The following ATP10B variants were observed in gnomAD, a reference collection of about 807,000 sequenced individuals.
ATP10B encodes the protein ATPase phospholipid transporting 10B (putative), also known as phospholipid-transporting ATPase VB.
ATP10B carries 122 observed loss-of-function variants against 141.2 expected under a neutral mutation model. The ratio of observed to expected loss-of-function variants is 0.86; its 90% CI spans 0.75 to 1.00. The LOEUF is 1.00. Among genes scored for constraint, ATP10B ranks in the 50% least tolerant of loss-of-function variants. ATP10B has a pLI of 0.00. For synonymous variants in ATP10B, 685 were observed against 692.0 expected, an observed-to-expected ratio of 0.99 and a Z score of 0.16; for missense variants, 1,876 against 1,825.3, an observed-to-expected ratio of 1.03 and a Z score of -0.51.
upstream of ATP10B, among the ~76,000 whole-genome samples, chr5:160,855,309 C>T (rs945856905): frequency 3.3e-5 from 5 of 151,962 alleles, no homozygotes; most frequent in African/African-American, 9.7e-5. Flanking sequence ...TGTCACTACT[C>T]TTTAGTTATT....
rs1340465434 is a variant in ATP10B, at chr5:160,799,972, T to C, written c.-575-14169A>G. 3.9e-5 allele frequency among the ~76,000 whole-genome samples: 6 copies of C among 152,330 alleles called. No individual in the cohort carries two copies. The East Asian group carries it at 1.2e-3, about 29-fold the overall frequency. On this transcript the variant is annotated intron_variant, in intron 1 of 25. Coordinates refer to ENST00000327245, the MANE Select transcript of ATP10B (RefSeq NM_025153.3). ...AGTTGGAGCACTCAGTGCCAGTTAC[T>C]GAACCAAATGTTGCATATTCTTCAT...
intron 1 of ATP10B, among the ~76,000 whole-genome samples, chr5:160,811,412 C>G (rs1773143390): frequency 6.6e-6 from 1 of 152,104 alleles, no homozygotes; most frequent in Admixed American, 6.5e-5. Flanking sequence ...TCTTGGACAG[C>G]ATTTCTGGAT....
At chr5:160,780,062 T>C (rs906449680) in intron 2 of ATP10B, among the ~76,000 whole-genome samples, 1 of 152,200 alleles carries the variant, frequency 6.6e-6, no homozygotes, top group Non-Finnish European at 1.5e-5. Flanking sequence ...TAATATTCCT[T>C]TAATGGGAGA....
At chr5:160,685,352 G>A (rs946443618) in intron 6 of ATP10B, 3 of 564,542 alleles carry the variant, frequency 5.3e-6, no homozygotes, top group African/African-American at 3.8e-5. Flanking sequence ...AACCCCAGGG[G>A]AGAAACATGA....
chr5:160,822,502 T>C (rs913633965), intron 1 of ATP10B, among the ~76,000 whole-genome samples: 5 of 152,042 alleles, frequency 3.3e-5, no homozygotes, highest in African/African-American at 1.2e-4. Flanking sequence ...CAGCAATCTT[T>C]TTCATAGGTA....
At chr5:160,833,894 TA>T (rs752786827) in intron 1 of ATP10B, among the ~76,000 whole-genome samples, 5 of 152,186 alleles carry the variant, frequency 3.3e-5, no homozygotes, top group Non-Finnish European at 7.4e-5. Context: ...TTAAATACTT[TA>T]GAGGGAAACC....
chr5:160,903,727 C>A, the ATP10B span, among the ~76,000 whole-genome samples: 1 of 152,194 alleles, frequency 6.6e-6, no homozygotes, highest in Non-Finnish European at 1.5e-5. Context: ...ACTTCCTTAT[C>A]TCACACAGAA....
chr5:160,773,738 T>C (rs1158301627), intron 2 of ATP10B, among the ~76,000 whole-genome samples: 2 of 151,942 alleles, frequency 1.3e-5, no homozygotes, highest in African/African-American at 2.4e-5. Flanking sequence ...GGTGAAAGAG[T>C]TTTAGGGCAC....
chr5:160,634,428 C>T lies in ATP10B; in HGVS notation c.1307G>A (p.Gly436Glu). Reference protein sequence around the residue: ...QIQYIFSDKTGTLTENKMVFR... With the variant: ...QIQYIFSDKTETLTENKMVFR... ...CACCATCTTGTTCTCTGTCAGGGTC[C>T]CCGTCTTATCGGAGAAGATGTACTG... Residue 436 changes from glycine (G) to glutamate (E), a missense_variant, in exon 12 of 26, where the codon GGG (glycine) becomes GAG (glutamate). Coordinates refer to ENST00000327245, the MANE Select transcript of ATP10B (RefSeq NM_025153.3). 1 of 1,614,130 alleles carries T rather than the reference C, an allele frequency of 6.2e-7. No individual in the cohort carries two copies. Among genetic ancestry groups the T allele is most frequent in the Non-Finnish European group, 8.5e-7 (1 of 1,180,032 alleles).
At chr5:160,806,877 A>G (rs538083576) in intron 1 of ATP10B, among the ~76,000 whole-genome samples, 1 of 152,340 alleles carries the variant, frequency 6.6e-6, no homozygotes, top group African/African-American at 2.4e-5. Flanking sequence ...TCTTTTGCAG[A>G]TGTTTATGGC....
At chr5:160,761,011 T>C (rs1240943919) in intron 2 of ATP10B, among the ~76,000 whole-genome samples, 1 of 152,114 alleles carries the variant, frequency 6.6e-6, no homozygotes, top group East Asian at 1.9e-4. Context: ...ACCCAAGTAC[T>C]CATCCTGGCC....
chr5:160,873,623 C>T, the ATP10B span, among the ~76,000 whole-genome samples: 1 of 152,158 alleles, frequency 6.6e-6, no homozygotes, highest in Non-Finnish European at 1.5e-5. Flanking sequence ...TCTGAGGTAC[C>T]GGGTTCATCT....
chr5:160,597,680 AACTCAAACAAATTT>A (rs1756803271), intron 22 of ATP10B, among the ~76,000 whole-genome samples: 1 of 152,176 alleles, frequency 6.6e-6, no homozygotes, highest in African/African-American at 2.4e-5. Flanking sequence ...ATCTACAATG[AACTCAAACAAATTT>A]ACAAGAAAAA....
Position 160,620,392 on chromosome 5 carries a change from C to G in ATP10B, c.2371G>C (p.Gly791Arg). The change falls in exon 15 of 26, where the codon GGT becomes CGT. Residue 791 changes from glycine to arginine, a missense_variant. By Grantham distance (125) the Gly-to-Arg change is moderately radical (BLOSUM62 -2). Coordinates refer to ENST00000327245, the MANE Select transcript of ATP10B (RefSeq NM_025153.3). Reference sequence around the variant, plus strand: ...AGGTCCATGATGACCGAGTCAGCACCCTTGGTGTAGACAACAATCTCGCCA... The same window carrying G: ...AGGTCCATGATGACCGAGTCAGCACGCTTGGTGTAGACAACAATCTCGCCA... Reference protein sequence around the residue: ...LTGEIVVYTKGADSVIMDLLE... With the variant: ...LTGEIVVYTKRADSVIMDLLE... 1 of 1,613,996 alleles carries G rather than the reference C, an allele frequency of 6.2e-7. No individual in the cohort carries two copies. The highest frequency in any genetic ancestry group is 1.1e-5 in the South Asian group (1 of 91,056).
intron 6 of ATP10B, among the ~76,000 whole-genome samples, chr5:160,674,369 A>C (rs570288761): frequency 6.6e-6 from 1 of 152,292 alleles, no homozygotes; most frequent in Admixed American, 6.5e-5. Context: ...AGCTTGTGGC[A>C]TATGTGTTTT....
At chr5:160,592,052 T>C (rs1274201670) in intron 22 of ATP10B, among the ~76,000 whole-genome samples, 1 of 152,216 alleles carries the variant, frequency 6.6e-6, no homozygotes, top group Non-Finnish European at 1.5e-5. Flanking sequence ...TTGCTGGTGC[T>C]GGGAGTGCAT....
chr5:160,607,975 A>G (rs1036260732), intron 18 of ATP10B, among the ~76,000 whole-genome samples: 1 of 152,208 alleles, frequency 6.6e-6, no homozygotes, highest in African/African-American at 2.4e-5. Flanking sequence ...CATGTGCACA[A>G]CGTGCAGGTT....
chr5:160,694,310 C>A (rs1764244644), intron 3 of ATP10B, among the ~76,000 whole-genome samples: 1 of 152,160 alleles, frequency 6.6e-6, no homozygotes, highest in Non-Finnish European at 1.5e-5. Context: ...GAAGAACTCC[C>A]TAAGTTCCTT....
chr5:160,634,430 C>T lies in ATP10B; in HGVS notation c.1305G>A (p.Thr435=), dbSNP rs778124858. ...CCATCTTGTTCTCTGTCAGGGTCCC[C>T]GTCTTATCGGAGAAGATGTACTGGA... ...GQIQYIFSDK[T]GTLTENKMVF... is the part of the protein sequence containing the mutation. The change falls in exon 12 of 26, where the codon ACG becomes ACA. Residue 435 remains threonine (T), a synonymous_variant. Transcript: ENST00000327245. 1.2e-5 allele frequency: 19 copies of T among 1,614,006 alleles called. No individual in the cohort carries two copies. Among genetic ancestry groups the T allele is most frequent in the African/African-American group, 2.7e-5 (2 of 74,888 alleles).
Sources: gnomAD v4.1 joint callset for allele counts (sites outside exome capture counted in the v4.1 genomes callset) on GRCh38, gnomAD v4.1.1 for gene constraint, MANE v1.5 for transcripts, NCBI Gene and HGNC (gene_info 2026-07-23, HGNC 2026-07-21) for gene names.